PTCHD4: variants seen among roughly 807,000 people sequenced by gnomAD.
The protein encoded by PTCHD4 is patched domain-containing protein 4.
Under a neutral mutation model 58.1 loss-of-function variants are expected in PTCHD4, and 33 were observed. The observed-to-expected ratio is 0.57, with a 90% CI of 0.43 to 0.76. The LOEUF (loss-of-function observed/expected upper bound fraction) is 0.76. Ranked by LOEUF, PTCHD4 falls within the 30% of genes least tolerant of loss-of-function variation. PTCHD4 has a pLI of 0.00. For synonymous variants in PTCHD4, 478 were observed against 409.6 expected, an observed-to-expected ratio of 1.17 and a Z score of -2.02; for missense variants, 1,058 against 1,027.1, an observed-to-expected ratio of 1.03 and a Z score of -0.41.
At chr6:48,002,268 C>A (rs958833953) in intron 4 of PTCHD4, among the ~76,000 whole-genome samples, 8 of 152,134 alleles carry the variant, frequency 5.3e-5, no homozygotes, top group African/African-American at 1.9e-4. Flanking sequence ...TGGGTATATA[C>A]CCAAAGGAGT....
intron 4 of PTCHD4, among the ~76,000 whole-genome samples, chr6:47,951,287 C>T (rs898113799): frequency 6.6e-6 from 1 of 152,148 alleles, no homozygotes; most frequent in African/African-American, 2.4e-5. Context: ...GACTTTATCA[C>T]TCCTAGCCCA....
intron 1 of PTCHD4, among the ~76,000 whole-genome samples, chr6:48,078,351 G>A (rs563211171): frequency 6.6e-6 from 1 of 152,180 alleles, no homozygotes; most frequent in African/African-American, 2.4e-5. Context: ...CATTGGTCTG[G>A]AAAAAGATGG....
chr6:47,954,724 G>A (rs924259825), intron 4 of PTCHD4, among the ~76,000 whole-genome samples: 1 of 152,008 alleles, frequency 6.6e-6, no homozygotes, highest in Non-Finnish European at 1.5e-5. Flanking sequence ...AGTGTTTAAG[G>A]GAATATTCCT....
intron 4 of PTCHD4, among the ~76,000 whole-genome samples, chr6:47,918,016 G>C (rs1765313520): frequency 6.6e-6 from 1 of 152,086 alleles, no homozygotes; most frequent in Admixed American, 6.6e-5. Flanking sequence ...CAAGAGGAGA[G>C]GGGAAAAATC....
intron 4 of PTCHD4, among the ~76,000 whole-genome samples, chr6:47,993,841 A>C (rs1768370495): frequency 6.6e-6 from 1 of 152,202 alleles, no homozygotes; most frequent in Admixed American, 6.5e-5. Context: ...AAAAGATCTT[A>C]ATTAAAGGAC....
At chr6:48,076,926 C>T (rs1397273214) in intron 1 of PTCHD4, among the ~76,000 whole-genome samples, 4 of 152,284 alleles carry the variant, frequency 2.6e-5, no homozygotes, top group East Asian at 1.9e-4. Flanking sequence ...TTGCCCAACG[C>T]TCAGCTATTG....
At chr6:47,949,344 G>A (rs983788813) in intron 4 of PTCHD4, among the ~76,000 whole-genome samples, 1 of 152,172 alleles carries the variant, frequency 6.6e-6, no homozygotes, top group East Asian at 1.9e-4. Context: ...TAAGGGGAAA[G>A]CATTAAAAGA....
intron 3 of PTCHD4, among the ~76,000 whole-genome samples, chr6:48,025,730 G>GA (rs1330028011): frequency 2.0e-5 from 3 of 152,120 alleles, no homozygotes; most frequent in Non-Finnish European, 4.4e-5. Context: ...CTTTTCAAAT[G>GA]CATATTGCTG....
intron 3 of PTCHD4, among the ~76,000 whole-genome samples, chr6:48,020,584 A>C (rs1450783406): frequency 6.6e-6 from 1 of 152,110 alleles, no homozygotes; most frequent in Admixed American, 6.6e-5. Flanking sequence ...GTGCATTGCT[A>C]TCCTGCATGT....
chr6:47,977,996 A>G (rs997365005), intron 4 of PTCHD4, among the ~76,000 whole-genome samples: 4 of 152,208 alleles, frequency 2.6e-5, no homozygotes. Flanking sequence ...GTGACCTAGG[A>G]AACTTCCAAC....
chr6:48,047,570 C>T (rs2114163374), intron 3 of PTCHD4, among the ~76,000 whole-genome samples: 1 of 151,910 alleles, frequency 6.6e-6, no homozygotes, highest in African/African-American at 2.4e-5. Flanking sequence ...AACTGAGCTG[C>T]TATGGACTGT....
At chr6:47,893,074 G>A (rs868350584) in intron 4 of PTCHD4, among the ~76,000 whole-genome samples, 10 of 152,242 alleles carry the variant, frequency 6.6e-5, no homozygotes, top group Middle Eastern at 3.4e-3. Flanking sequence ...GCAGTGGTGC[G>A]ATCTTGGCTC....
intron 3 of PTCHD4, among the ~76,000 whole-genome samples, chr6:48,037,584 A>G (rs1236172002): frequency 6.6e-6 from 1 of 152,174 alleles, no homozygotes; most frequent in Non-Finnish European, 1.5e-5. Flanking sequence ...TGTGAACTTC[A>G]GAAAGGAAGA....
chr6:48,108,401 A>G (rs1467530879), intron 1 of PTCHD4, among the ~76,000 whole-genome samples: 1 of 152,056 alleles, frequency 6.6e-6, no homozygotes, highest in Non-Finnish European at 1.5e-5. Flanking sequence ...GAATTGAACA[A>G]TGAGAACACA....
In PTCHD4 at chr6:47,867,235, C is replaced by A. The variant is rs1252409191; in HGVS notation, c.*11068G>T. Among the ~76,000 whole-genome samples the A allele has an allele frequency of 6.6e-6, 1 of 151,738 alleles. No homozygotes were observed. The highest frequency in any genetic ancestry group is 2.4e-5 in the African/African-American group (1 of 41,370). On this transcript the variant is annotated 3_prime_UTR_variant, in exon 5 of 5. Transcript: ENST00000339488. ...GCAATCCATGTCAGTCTCTTACTCT[C>A]ACACTTTGAGGGCTTTTGTGCCAGA...
chr6:48,016,072 TA>T (rs1404729376), intron 3 of PTCHD4, among the ~76,000 whole-genome samples: 1 of 151,968 alleles, frequency 6.6e-6, no homozygotes, highest in East Asian at 1.9e-4. Context: ...TATTCTAGTA[TA>T]ATATTTCCCC....
chr6:48,013,131 G>A (rs1977205), intron 3 of PTCHD4, among the ~76,000 whole-genome samples: 147,643 of 152,176 alleles, frequency 0.97, 71,634 homozygotes, highest in East Asian at 1. Context: ...ATTGTTTGGA[G>A]TAGTTTCAGA....
intron 3 of PTCHD4, among the ~76,000 whole-genome samples, chr6:48,023,403 G>T (rs1388314281): frequency 6.6e-6 from 1 of 152,090 alleles, no homozygotes; most frequent in Admixed American, 6.6e-5. Flanking sequence ...AAGCTAGATA[G>T]TCTCCTTATA....
intron 4 of PTCHD4, among the ~76,000 whole-genome samples, chr6:47,937,279 G>T (rs1213368558): frequency 1.3e-5 from 2 of 152,188 alleles, no homozygotes; most frequent in African/African-American, 4.8e-5. Context: ...AGTCAGGAAA[G>T]TACTGTAGTA....
Sources: gnomAD v4.1 joint callset for allele counts (sites outside exome capture counted in the v4.1 genomes callset) on GRCh38, gnomAD v4.1.1 for gene constraint, MANE v1.5 for transcripts, NCBI Gene and HGNC (gene_info 2026-07-23, HGNC 2026-07-21) for gene names.